Variants in FSTL4 observed in about 807,000 individuals in gnomAD.
FSTL4 encodes follistatin like 4.
FSTL4 carries 28 observed loss-of-function variants against 78.2 expected under a neutral mutation model. The ratio of observed to expected loss-of-function variants is 0.36; its 90% CI spans 0.27 to 0.49. The LOEUF (loss-of-function observed/expected upper bound fraction) is 0.49. Ranked by LOEUF, FSTL4 falls within the 20% of genes least tolerant of loss-of-function variation. FSTL4 has a pLI of 0.98. For synonymous variants in FSTL4, 422 were observed against 440.5 expected (o/e 0.96, Z 0.53); for missense variants, 922 against 1,084.9 (o/e 0.85, Z 2.11).
rs113431867 is a variant in FSTL4 at position 133,442,296 on chromosome 5, T to C, written c.161-41310A>G. On this transcript the variant is annotated intron_variant, in intron 3 of 15. Transcript: ENST00000265342. Reference sequence around the variant, plus strand: ...CACGAAGAGACAACAGGACTGAAAATTGATGACACAGGCATCCCTTTCAGC... The same window carrying C: ...CACGAAGAGACAACAGGACTGAAAACTGATGACACAGGCATCCCTTTCAGC... 5.5e-3 allele frequency among the ~76,000 whole-genome samples: 840 copies of C among 152,320 alleles called. 2 individuals are homozygous for C. Among genetic ancestry groups the C allele is most frequent in the Non-Finnish European group, 8.8e-3 (597 of 68,016 alleles).
chr5:133,294,781 C>T (rs563023135), intron 6 of FSTL4, among the ~76,000 whole-genome samples: 19 of 152,276 alleles, frequency 1.2e-4, no homozygotes, highest in Non-Finnish European at 1.9e-4. Context: ...TCAGCCCCAC[C>T]GGGAATCTAC....
chr5:133,225,418 G>A lies in FSTL4; in HGVS notation c.1178-134C>T. The A allele has an allele frequency of 2.8e-6, 3 of 1,085,672 alleles. No individual in the cohort carries two copies. Among genetic ancestry groups the A allele is most frequent in the African/African-American group, 1.6e-5 (1 of 63,836 alleles). The allele number at this position is 1,085,672 out of a possible 1,614,324, so 67.3% of individuals were successfully genotyped here. On this transcript the variant is annotated intron_variant, in intron 9 of 15. Coordinates refer to ENST00000265342, the MANE Select transcript of FSTL4 (RefSeq NM_015082.2). The surrounding 1 kb of genome is among the most constrained non-coding windows in gnomAD (Gnocchi z 4.6). ...AGCCCTGATTATACGCCCAGGAAGG[G>A]CTGGCACATCTGAAATGCACTGAGG...
chr5:133,322,883 T>C (rs1449910321), intron 4 of FSTL4, among the ~76,000 whole-genome samples: 4 of 152,194 alleles, frequency 2.6e-5, no homozygotes, highest in South Asian at 2.1e-4. Context: ...TGAGGGAAGC[T>C]GGATGGGCGG....
the FSTL4 span, among the ~76,000 whole-genome samples, chr5:133,726,272 C>CAG: frequency 6.6e-6 from 1 of 152,196 alleles, no homozygotes; most frequent in African/African-American, 2.4e-5. Context: ...CAAGACCTTA[C>CAG]TGAGAACCCT....
intron 15 of FSTL4, among the ~76,000 whole-genome samples, chr5:133,200,413 G>A (rs936460368): frequency 1.3e-5 from 2 of 152,230 alleles, no homozygotes; most frequent in African/African-American, 4.8e-5. Context: ...TGGGGTTGAG[G>A]ACAGCTTTTC....
At chr5:133,524,683 G>A (rs1230169020) in intron 3 of FSTL4, among the ~76,000 whole-genome samples, 4 of 152,218 alleles carry the variant, frequency 2.6e-5, no homozygotes, top group South Asian at 2.1e-4. Context: ...CCCCCACCCC[G>A]CCCCTGGGTG....
intron 3 of FSTL4, among the ~76,000 whole-genome samples, chr5:133,482,313 T>C (rs1758042968): frequency 6.6e-6 from 1 of 152,142 alleles, no homozygotes; most frequent in African/African-American, 2.4e-5. Flanking sequence ...TGGCTGGCAC[T>C]ACCCTAGCAT....
intron 6 of FSTL4, among the ~76,000 whole-genome samples, chr5:133,274,284 A>G (rs1323654950): frequency 6.6e-6 from 1 of 150,650 alleles, no homozygotes; most frequent in Non-Finnish European, 1.5e-5. Context: ...AGTGAGGGAC[A>G]AATAGAGAGA....
At chr5:133,786,106 C>T in the FSTL4 span, among the ~76,000 whole-genome samples, 1 of 152,162 alleles carries the variant, frequency 6.6e-6, no homozygotes, top group African/African-American at 2.4e-5. Flanking sequence ...CCCCTGTACT[C>T]CCAGAGCCTC....
At chr5:133,406,800 T>C (rs756424002) in intron 3 of FSTL4, among the ~76,000 whole-genome samples, 16 of 152,210 alleles carry the variant, frequency 1.1e-4, no homozygotes, top group Admixed American at 2.6e-4. Flanking sequence ...AAAGCTCTAT[T>C]AAGTAGACAC....
At chr5:133,696,686 C>T in the FSTL4 span, among the ~76,000 whole-genome samples, 1 of 152,234 alleles carries the variant, frequency 6.6e-6, no homozygotes, top group South Asian at 2.1e-4. Context: ...ACAGATTCCC[C>T]AGGTGGCTCC....
chr5:133,455,494 T>C (rs1023172315), intron 3 of FSTL4, among the ~76,000 whole-genome samples: 7 of 152,026 alleles, frequency 4.6e-5, no homozygotes, highest in African/African-American at 1.7e-4. Flanking sequence ...TATATATATA[T>C]GTGTACCTCA....
At chr5:133,656,438 C>T in the FSTL4 span, among the ~76,000 whole-genome samples, 6 of 152,276 alleles carry the variant, frequency 3.9e-5, no homozygotes, top group South Asian at 4.2e-4. Context: ...TGGCAGTTCT[C>T]ATCTGAGAAA....
intron 3 of FSTL4, among the ~76,000 whole-genome samples, chr5:133,416,963 C>CTGTA (rs1756590418): frequency 6.6e-6 from 1 of 152,196 alleles, no homozygotes; most frequent in Non-Finnish European, 1.5e-5. Context: ...GTTCTGTGTA[C>CTGTA]TGTACTTGCA....
At chr5:133,572,413 T>C (rs905445045) in intron 2 of FSTL4, among the ~76,000 whole-genome samples, 2 of 152,006 alleles carry the variant, frequency 1.3e-5, no homozygotes, top group African/African-American at 4.8e-5. Flanking sequence ...GAAAAAAACA[T>C]TAGAATCCAA....
At chr5:133,609,894 T>A (rs1483332292) in intron 1 of FSTL4, among the ~76,000 whole-genome samples, 3 of 152,166 alleles carry the variant, frequency 2.0e-5, no homozygotes, top group Non-Finnish European at 4.4e-5. Context: ...AGACAGAAAA[T>A]GTAAAGAAAG....
At chr5:133,416,202 G>A (rs940640176) in intron 3 of FSTL4, among the ~76,000 whole-genome samples, 2 of 152,162 alleles carry the variant, frequency 1.3e-5, no homozygotes, top group African/African-American at 4.8e-5. Flanking sequence ...GACATAAAAG[G>A]CAGTCTGAAG....
chr5:133,255,656 G>A (rs1042771579), intron 6 of FSTL4, among the ~76,000 whole-genome samples: 1 of 152,232 alleles, frequency 6.6e-6, no homozygotes, highest in African/African-American at 2.4e-5. Flanking sequence ...AACCAGTGCA[G>A]TAGCATACCC....
chr5:133,820,505 CCACTT>C, the FSTL4 span, among the ~76,000 whole-genome samples: 6 of 152,200 alleles, frequency 3.9e-5, no homozygotes, highest in Non-Finnish European at 7.3e-5. Flanking sequence ...ATTCCCTACT[CCACTT>C]ATGTATATTT....
Sources: gnomAD v4.1 joint callset for allele counts (sites outside exome capture counted in the v4.1 genomes callset) on GRCh38, gnomAD v4.1.1 for gene constraint, Gnocchi (gnomAD v3.1) non-coding constraint, MANE v1.5 for transcripts, NCBI Gene and HGNC (gene_info 2026-07-23, HGNC 2026-07-21) for gene names.